The following WDFY4 variants were observed in gnomAD, a reference collection of about 807,000 sequenced individuals.
The protein encoded by WDFY4 is WDFY family member 4, also known as WD repeat- and FYVE domain-containing protein 4.
In WDFY4, 169 loss-of-function variants were observed where a neutral mutation model predicts 351.9. That is an observed-to-expected ratio of 0.48 (90% confidence interval 0.42 to 0.55). The LOEUF is 0.55. Among genes scored for constraint, WDFY4 ranks in the 20% least tolerant of loss-of-function variants. The pLI is 0.00. For missense variants in WDFY4, 3,803 were observed against 3,935.6 expected (o/e 0.97, Z 0.90); for synonymous variants, 1,622 against 1,574.6 (o/e 1.03, Z -0.71).
At chr10:48,957,877 CTGTT>C (rs1841676894) in intron 52 of WDFY4, among the ~76,000 whole-genome samples, 1 of 152,194 alleles carries the variant, frequency 6.6e-6, no homozygotes, top group Non-Finnish European at 1.5e-5. Context: ...CCCCTGGGGA[CTGTT>C]TGTATGTCTC....
intron 4 of WDFY4, among the ~76,000 whole-genome samples, chr10:48,722,469 A>T (rs1032881029): frequency 2.0e-5 from 3 of 152,180 alleles, no homozygotes; most frequent in Non-Finnish European, 4.4e-5. Context: ...AGTACATTGC[A>T]CTGTAAACCT....
intron 1 of WDFY4, among the ~76,000 whole-genome samples, chr10:48,704,941 T>C (rs1211808128): frequency 2.2e-5 from 2 of 92,016 alleles, no homozygotes; most frequent in Admixed American, 2.6e-4. Context: ...CCAAGCTGAC[T>C]AATGCTAGAG....
At chr10:48,867,649 G>T (rs2069598264) in intron 40 of WDFY4, among the ~76,000 whole-genome samples, 2 of 152,174 alleles carry the variant, frequency 1.3e-5, no homozygotes, top group East Asian at 3.9e-4. Context: ...GAGCCTCTGT[G>T]TGCTCATCTC....
At chr10:48,734,855 A>G (rs973394442) in intron 10 of WDFY4, among the ~76,000 whole-genome samples, 2 of 145,082 alleles carry the variant, frequency 1.4e-5, no homozygotes, top group Admixed American at 1.4e-4. Flanking sequence ...GGCTCACTGT[A>G]CCCTCCACCC....
intron 39 of WDFY4, among the ~76,000 whole-genome samples, chr10:48,836,168 A>G (rs2133092277): frequency 6.6e-6 from 1 of 152,334 alleles, no homozygotes; most frequent in East Asian, 1.9e-4. Context: ...CTGTTTAATT[A>G]TTTTTAAAAA....
intron 46 of WDFY4, 70 bp from the exon 47 acceptor site, chr10:48,901,731 G>A: frequency 6.7e-7 from 1 of 1,499,504 alleles, no homozygotes; most frequent in East Asian, 2.5e-5. Flanking sequence ...CCTGACTCCG[G>A]AAATGCCTCT....
chr10:48,914,104 C>T (rs765342136), intron 47 of WDFY4: 2 of 1,614,176 alleles, frequency 1.2e-6, no homozygotes, highest in East Asian at 4.5e-5. Flanking sequence ...CAATTCCTGG[C>T]CACCTTGAGG....
At chr10:48,879,931 G>A (rs754801929) in intron 43 of WDFY4, among the ~76,000 whole-genome samples, 17 of 152,194 alleles carry the variant, frequency 1.1e-4, no homozygotes, top group African/African-American at 3.1e-4. Flanking sequence ...TGCCTAGGGC[G>A]CAGGGGATGG....
chr10:48,717,695 C>T (rs1250880110), intron 2 of WDFY4, among the ~76,000 whole-genome samples: 1 of 152,182 alleles, frequency 6.6e-6, no homozygotes, highest in South Asian at 2.1e-4. Flanking sequence ...TTCCAGTCAA[C>T]ATTCTATTTC....
At chr10:48,897,597 C>T (rs771868946) in intron 45 of WDFY4, 23 bp downstream of exon 45, 116 of 1,539,156 alleles carry the variant, frequency 7.5e-5, no homozygotes, top group Admixed American at 2.7e-4. Flanking sequence ...GGTGCTGGCA[C>T]GCCTGGGGCC....
chr10:48,848,830 A>C (rs1315570592), intron 39 of WDFY4, among the ~76,000 whole-genome samples: 1 of 152,246 alleles, frequency 6.6e-6, no homozygotes, highest in South Asian at 2.1e-4. Context: ...ATTAGTTTAC[A>C]CGATAACCAC....
chr10:48,710,859 G>C (rs866987922), intron 2 of WDFY4, among the ~76,000 whole-genome samples: 1 of 152,216 alleles, frequency 6.6e-6, no homozygotes, highest in Non-Finnish European at 1.5e-5. Context: ...GGCTGCAAGG[G>C]ATTTCCTTTG....
intron 35 of WDFY4, chr10:48,823,700 A>G (rs2067904062): frequency 8.0e-6 from 8 of 994,878 alleles, no homozygotes; most frequent in Non-Finnish European, 9.6e-6. Context: ...TGGCTAAAGC[A>G]TGGACTCCCA....
At chr10:48,755,380 C>G (rs1414796914) in intron 12 of WDFY4, among the ~76,000 whole-genome samples, 2 of 152,106 alleles carry the variant, frequency 1.3e-5, no homozygotes, top group African/African-American at 4.8e-5. Flanking sequence ...TTGATGAAGT[C>G]CAAATCATCA....
intron 53 of WDFY4, among the ~76,000 whole-genome samples, chr10:48,961,349 C>CACT (rs1841851934): frequency 6.6e-6 from 1 of 152,124 alleles, no homozygotes; most frequent in South Asian, 2.1e-4. Flanking sequence ...AATGATGGAC[C>CACT]ACTACATCTA....
chr10:48,814,722 T>C (rs1351509123), intron 31 of WDFY4, among the ~76,000 whole-genome samples: 1 of 152,202 alleles, frequency 6.6e-6, no homozygotes, highest in African/African-American at 2.4e-5. Flanking sequence ...CTTACTGCTT[T>C]TGTAAAATGA....
At chr10:48,875,008 T>C in intron 41 of WDFY4, 81 bp from the exon 42 acceptor site, 1 of 844,720 alleles carries the variant, frequency 1.2e-6, no homozygotes, top group Non-Finnish European at 1.7e-6. Flanking sequence ...TGCGTGTTTG[T>C]GAATCTGTGG....
intron 39 of WDFY4, among the ~76,000 whole-genome samples, chr10:48,854,214 C>T (rs1389516816): frequency 6.6e-6 from 1 of 151,666 alleles, no homozygotes; most frequent in Non-Finnish European, 1.5e-5. Flanking sequence ...GTTCAAGCCA[C>T]CCTCCTACCT....
chr10:48,719,329 C>A (rs959574647), intron 2 of WDFY4, among the ~76,000 whole-genome samples: 2 of 152,090 alleles, frequency 1.3e-5, no homozygotes, highest in African/African-American at 4.8e-5. Flanking sequence ...CAAAAGGCTG[C>A]CATTGAGATG....
Sources: allele counts gnomAD v4.1 joint callset (sites outside exome capture counted in the v4.1 genomes callset), GRCh38; gene constraint gnomAD v4.1.1; transcripts MANE v1.5; gene names NCBI Gene and HGNC (gene_info 2026-07-23, HGNC 2026-07-21).